ZNF483: variants seen among roughly 807,000 people sequenced by gnomAD.
ZNF483 encodes the protein zinc finger protein 483.
In ZNF483, 9 loss-of-function variants were observed where a neutral mutation model predicts 28.6. The observed-to-expected ratio is 0.32, with a 90% confidence interval of 0.19 to 0.55. The LOEUF is 0.55. Ranked by LOEUF, ZNF483 falls within the 20% of genes least tolerant of loss-of-function variation. The pLI is 0.93. For synonymous variants in ZNF483, 322 were observed against 306.2 expected (o/e 1.05, Z -0.54); for missense variants, 675 against 871.7 (o/e 0.77, Z 2.84).
chr9:111,561,709 A>T (rs1439137359), intron 5 of ZNF483, among the ~76,000 whole-genome samples: 1 of 152,166 alleles, frequency 6.6e-6, no homozygotes, highest in African/African-American at 2.4e-5. Context: ...TCTGTAGAGG[A>T]CCAGTATGGA....
At chr9:111,538,340 C>T (rs1012309660) in intron 5 of ZNF483, among the ~76,000 whole-genome samples, 2 of 151,916 alleles carry the variant, frequency 1.3e-5, no homozygotes, top group Non-Finnish European at 2.9e-5. Context: ...CATAGTGAGA[C>T]CCTGTTTCTA....
At chr9:111,536,854 T>G (rs1400350558) in intron 5 of ZNF483, among the ~76,000 whole-genome samples, 1 of 152,186 alleles carries the variant, frequency 6.6e-6, no homozygotes, top group Non-Finnish European at 1.5e-5. Context: ...TGTATTCTAG[T>G]AAGCTAGAGA....
chr9:111,543,562 C>T lies in ZNF483; in HGVS notation c.*392C>T. On this transcript the variant is annotated 3_prime_UTR_variant, in exon 6 of 6. Transcript: ENST00000309235. ...TATACACCTTGGACAAGTCATTTGA[C>T]CTTTCAGAATTTTATTTTCGTCACC... 1 of 992,742 alleles carries T rather than the reference C, an allele frequency of 1.0e-6. No homozygotes were observed. Among genetic ancestry groups the T allele is most frequent in the Non-Finnish European group, 1.2e-6 (1 of 835,094 alleles). 61.5% of individuals were successfully genotyped at this position (992,742 alleles called of 1,614,324 possible). A position where few individuals can be genotyped will look rare whatever the true frequency, so the allele number is the denominator to read the frequency against.
chr9:111,541,991 A>G lies in ZNF483; in HGVS notation c.1056A>G (p.Lys352=), dbSNP rs754611591. The change falls in exon 6 of 6, where the codon AAA becomes AAG. Residue 352 remains lysine (K), a synonymous_variant. Transcript: ENST00000309235. ...ACCTTGTTCTGAACCGCAAGGAGAAAACCGCCGGAGAAAAGTCACGGAAAT... is the reference window on the plus strand; with the variant it reads ...ACCTTGTTCTGAACCGCAAGGAGAAGACCGCCGGAGAAAAGTCACGGAAAT... The part of the protein sequence containing the change: ...HSDLVLNRKE[K]TAGEKSRKSN... 2.5e-6 allele frequency: 4 copies of G among 1,614,010 alleles called. No homozygotes were observed. The East Asian group carries it at 6.7e-5, about 27-fold the overall frequency.
chr9:111,559,172 C>T (rs1016620443), downstream of ZNF483, among the ~76,000 whole-genome samples: 7 of 152,284 alleles, frequency 4.6e-5, no homozygotes, highest in Admixed American at 3.3e-4. Context: ...ATCCAACCGC[C>T]CATACCAGGT....
downstream of ZNF483, among the ~76,000 whole-genome samples, chr9:111,559,943 C>T (rs1241299973): frequency 2.6e-5 from 4 of 152,180 alleles, no homozygotes; most frequent in Non-Finnish European, 2.9e-5. Context: ...TTTGTACAGA[C>T]ACTCTTCTCC....
Position 111,543,334 on chromosome 9 carries a change from A to T in ZNF483, c.*164A>T. The T allele has an allele frequency of 7.2e-7, 1 of 1,396,390 alleles. No homozygotes were observed. Among genetic ancestry groups the T allele is most frequent in the South Asian group, 1.8e-5 (1 of 57,060 alleles). The allele number at this position is 1,396,390 out of a possible 1,614,324, so 86.5% of individuals were successfully genotyped here. ...CATCCCTCTTCTTTTCAAGGATGGCAACGACTGGTAAACAGTAATTAGTTG... is the reference window on the plus strand; with the variant it reads ...CATCCCTCTTCTTTTCAAGGATGGCTACGACTGGTAAACAGTAATTAGTTG... On this transcript the variant is annotated 3_prime_UTR_variant, in exon 6 of 6. Coordinates refer to ENST00000309235, the MANE Select transcript of ZNF483 (RefSeq NM_133464.5).
At position 111,541,787 on chromosome 9, in the gene ZNF483, A is replaced by G; in HGVS notation, c.852A>G (p.Arg284=). The G allele has an allele frequency of 6.2e-7, 1 of 1,614,220 alleles. No homozygotes were observed. The highest frequency in any genetic ancestry group is 8.5e-7 in the Non-Finnish European group (1 of 1,180,042). The part of the protein sequence containing the change: ...DHGNQGNSKG[R]VAQNKTLGSG... ...GTAATCAGGGAAATTCAAAAGGAAG[A>G]GTCGCACAAAACAAAACTCTTGGGA... Residue 284 remains arginine (R), a synonymous_variant, in exon 6 of 6, where the codon AGA becomes AGG. Transcript: ENST00000309235.
At chr9:111,532,534 A>C (rs183812942) in intron 3 of ZNF483, among the ~76,000 whole-genome samples, 1 of 152,240 alleles carries the variant, frequency 6.6e-6, no homozygotes, top group East Asian at 1.9e-4. Context: ...GGCAAGGAAC[A>C]GATTATCCCC....
chr9:111,577,314 G>A (rs866871889), exon 6 of ZNF483: 1 of 152,142 alleles, frequency 6.6e-6, no homozygotes, highest in African/African-American at 2.4e-5. Context: ...ACAATAGCAC[G>A]TGTTGGTGAG....
chr9:111,529,462 A>G (rs1322110251), intron 2 of ZNF483, among the ~76,000 whole-genome samples: 2 of 152,220 alleles, frequency 1.3e-5, no homozygotes, highest in African/African-American at 2.4e-5. Flanking sequence ...CTATGAGTTT[A>G]TTAGATGCCT....
intron 5 of ZNF483, among the ~76,000 whole-genome samples, chr9:111,561,654 G>A (rs1389867743): frequency 6.6e-6 from 1 of 152,156 alleles, no homozygotes; most frequent in African/African-American, 2.4e-5. Flanking sequence ...GTGCAGCTCT[G>A]TGAATGACAG....
intron 4 of ZNF483, among the ~76,000 whole-genome samples, 198 bp downstream of exon 4, chr9:111,534,063 A>T (rs1291320746): frequency 2.0e-5 from 3 of 152,144 alleles, no homozygotes; most frequent in African/African-American, 7.2e-5. Flanking sequence ...GCTTCATTGA[A>T]TTGGAAATGT....
rs143712473 is a variant in ZNF483, at chr9:111,554,294, A to G, written c.*11124A>G. On this transcript the variant is annotated 3_prime_UTR_variant, in exon 6 of 6. Transcript: ENST00000309235. ...ACAGATCCTGTAACTAAGAAAGTCAACCTCTGTCTTAGAAGTCACTTCTAC... is the reference window on the plus strand; with the variant it reads ...ACAGATCCTGTAACTAAGAAAGTCAGCCTCTGTCTTAGAAGTCACTTCTAC... Among the ~76,000 whole-genome samples the G allele has an allele frequency of 1.6e-3, 240 of 150,688 alleles. No homozygotes were observed. Among genetic ancestry groups the G allele is most frequent in the African/African-American group, 5.3e-3 (218 of 41,514 alleles).
Position 111,547,262 on chromosome 9 carries a change from C to G in ZNF483, c.*4092C>G, listed in dbSNP as rs1423097067. Among the ~76,000 whole-genome samples, 1 of 152,102 alleles carries G rather than the reference C, an allele frequency of 6.6e-6. No individual in the cohort carries two copies. The highest frequency in any genetic ancestry group is 2.4e-5 in the African/African-American group (1 of 41,454). The stretch of plus-strand genomic sequence containing the variant: ...CAACTACACTATTTTAAATTCCCAC[C>G]AGCTATGTACAAGGGTTTCAGTATC... On this transcript the variant is annotated 3_prime_UTR_variant, in exon 6 of 6. Coordinates refer to ENST00000309235, the MANE Select transcript of ZNF483 (RefSeq NM_133464.5).
At position 111,543,646 on chromosome 9, in the gene ZNF483, T is replaced by C. The variant is rs1827728059; in HGVS notation, c.*476T>C. ...CCTTTTTTGGTTTTTTAGTTTTTTA[T>C]TGGTATCCTGATAATCTCTGAAGCT... On this transcript the variant is annotated 3_prime_UTR_variant, in exon 6 of 6. Transcript: ENST00000309235. The C allele has an allele frequency of 1.0e-6, 1 of 985,252 alleles. No individual in the cohort carries two copies. Among genetic ancestry groups the C allele is most frequent in the Non-Finnish European group, 1.2e-6 (1 of 829,692 alleles). 61.0% of individuals were successfully genotyped at this position (985,252 alleles called of 1,614,324 possible).
At position 111,549,897 on chromosome 9, in the gene ZNF483, A is replaced by G; in HGVS notation, c.*6727A>G. Reference sequence around the variant, plus strand: ...TCAATGTTTGGTCTTCCTCATGTCCATTTTTTGTTGGTTTATTTTGTGCCT... The same window carrying G: ...TCAATGTTTGGTCTTCCTCATGTCCGTTTTTTGTTGGTTTATTTTGTGCCT... On this transcript the variant is annotated 3_prime_UTR_variant, in exon 6 of 6. Transcript: ENST00000309235. 4.0e-6 allele frequency: 3 copies of G among 743,916 alleles called. No individual in the cohort carries two copies. The highest frequency in any genetic ancestry group is 4.5e-6 in the Non-Finnish European group (2 of 448,204). 46.1% of individuals were successfully genotyped at this position (743,916 alleles called of 1,614,324 possible).
rs1827866861 is a variant in ZNF483 at position 111,549,089 on chromosome 9, C to G, written c.*5919C>G. 6.6e-6 allele frequency among the ~76,000 whole-genome samples: 1 copy of G among 152,092 alleles called. No homozygotes were observed. The highest frequency in any genetic ancestry group is 1.5e-5 in the Non-Finnish European group (1 of 68,026). On this transcript the variant is annotated 3_prime_UTR_variant, in exon 6 of 6. Transcript: ENST00000309235. ...CTGCACCACAAAGACCCTTCCAGTTCTGTAGAGTGGTTTATTGCTTTATTA... is the reference window on the plus strand; with the variant it reads ...CTGCACCACAAAGACCCTTCCAGTTGTGTAGAGTGGTTTATTGCTTTATTA...
chr9:111,570,511 C>G (rs1828769984), intron 5 of ZNF483, among the ~76,000 whole-genome samples: 2 of 151,998 alleles, frequency 1.3e-5, no homozygotes, highest in Admixed American at 1.3e-4. Context: ...TGGCTCACAC[C>G]TGTAATCCCA....
Sources: allele counts gnomAD v4.1 joint callset (sites outside exome capture counted in the v4.1 genomes callset), GRCh38; gene constraint gnomAD v4.1.1; transcripts MANE v1.5; gene names NCBI Gene and HGNC (gene_info 2026-07-23, HGNC 2026-07-21).